CRB1: variants seen among roughly 807,000 people sequenced by gnomAD.
CRB1 encodes the protein crumbs cell polarity complex component 1, also known as protein crumbs homolog 1.
In CRB1, 83 loss-of-function variants were observed where a neutral mutation model predicts 120.0. The ratio of observed to expected loss-of-function variants is 0.69; its 90% confidence interval spans 0.58 to 0.83. The LOEUF is 0.83. CRB1 is among the 40% of genes least tolerant of loss of function. The pLI is 0.00. For missense variants in CRB1, 1,699 were observed against 1,687.6 expected, an observed-to-expected ratio of 1.01 and a Z score of -0.12; for synonymous variants, 625 against 612.5, an observed-to-expected ratio of 1.02 and a Z score of -0.30.
chr1:197,438,787 A>T (rs1035995555), intron 10 of CRB1, 112 bp downstream of exon 10: 1 of 1,366,022 alleles, frequency 7.3e-7, no homozygotes, highest in Admixed American at 1.8e-5. Flanking sequence ...AGGAAAATCT[A>T]TGCTGAAATA....
Position 197,421,256 on chromosome 1 carries a change from C to CG in CRB1, c.1431dup (p.Ser478ValfsTer4). 1 of 1,614,138 alleles carries CG rather than the reference C, an allele frequency of 6.2e-7. No individual in the cohort carries two copies. ...GCTGCCTATGTCCATCTGGCTACAC[C>CG]GGGTCCCTGTGTGAAATCGCAACCA... On this transcript the variant is annotated frameshift_variant, in exon 6 of 12. Coordinates refer to ENST00000367400, the MANE Select transcript of CRB1 (RefSeq NM_201253.3). LOFTEE classifies it high-confidence loss of function.
chr1:197,318,768 C>A (rs1360003214), intron 1 of CRB1, among the ~76,000 whole-genome samples: 1 of 152,142 alleles, frequency 6.6e-6, no homozygotes, highest in Non-Finnish European at 1.5e-5. Context: ...ATCTCACTCA[C>A]ATGTGGAATC....
chr1:197,253,711 A>G, the CRB1 span, among the ~76,000 whole-genome samples: 2 of 152,108 alleles, frequency 1.3e-5, no homozygotes, highest in Non-Finnish European at 2.9e-5. Flanking sequence ...TTGCAAAGCA[A>G]AGAATCATTT....
the CRB1 span, among the ~76,000 whole-genome samples, chr1:197,244,539 G>T: frequency 6.6e-6 from 1 of 151,972 alleles, no homozygotes; most frequent in African/African-American, 2.4e-5. Context: ...CATGAAAACA[G>T]ATTTTTACTT....
the CRB1 span, among the ~76,000 whole-genome samples, chr1:197,235,984 A>G: frequency 3.9e-5 from 6 of 152,156 alleles, no homozygotes; most frequent in African/African-American, 1.2e-4. Flanking sequence ...GTAATGACCT[A>G]GTAGCCTGCT....
intron 3 of CRB1, among the ~76,000 whole-genome samples, chr1:197,345,895 T>C (rs986161352): frequency 2.0e-5 from 3 of 152,170 alleles, no homozygotes; most frequent in African/African-American, 7.2e-5. Flanking sequence ...TGACTTTTAG[T>C]TGTACCCCAA....
Position 197,328,505 on chromosome 1 carries a change from A to G in CRB1, c.154A>G (p.Asn52Asp). The G allele has an allele frequency of 6.2e-7, 1 of 1,614,258 alleles. No individual in the cohort carries two copies. Among genetic ancestry groups the G allele is most frequent in the African/African-American group, 1.3e-5 (1 of 75,070 alleles). ...TACATGCAAAGATTTTTCAAAAGAC[A>G]ATGATTGTTCTTGTTCAGACACAGC... is the stretch of plus-strand genomic sequence containing the variant. ...NSTCKDFSKD[N>D]DCSCSDTANN... Residue 52 changes from asparagine to aspartate, a missense_variant, in exon 2 of 12, where the codon AAT becomes GAT. Physicochemically the swap from Asn to Asp is conservative, Grantham distance 23. Coordinates refer to ENST00000367400, the MANE Select transcript of CRB1 (RefSeq NM_201253.3).
chr1:197,235,931 G>A, the CRB1 span, among the ~76,000 whole-genome samples: 30 of 152,210 alleles, frequency 2.0e-4, no homozygotes, highest in Non-Finnish European at 3.1e-4. Flanking sequence ...AACCACAGGC[G>A]AATCTTGAGG....
intron 11 of CRB1, among the ~76,000 whole-genome samples, chr1:197,453,545 G>A (rs376535788): frequency 8.3e-6 from 1 of 120,098 alleles, no homozygotes; most frequent in Non-Finnish European, 1.7e-5. Context: ...TATATAGAGA[G>A]AGAGACAGAG....
rs1306367660 is a variant in CRB1, at chr1:197,328,467, G to T, written c.116G>T (p.Cys39Phe). Residue 39 changes from cysteine (C) to phenylalanine (F), a missense_variant, in exon 2 of 12, where the codon TGC becomes TTC. Transcript: ENST00000367400. ...KNNTRCLSNSCQNNSTCKDFS... is the reference protein window; with the variant it reads ...KNNTRCLSNSFQNNSTCKDFS... ...AACACCAGGTGCCTCTCAAATTCTT[G>T]CCAAAACAATTCTACATGCAAAGAT... The T allele has an allele frequency of 1.2e-5, 19 of 1,614,050 alleles. No homozygotes were observed. The highest frequency in any genetic ancestry group is 1.5e-5 in the Non-Finnish European group (18 of 1,179,992).
At chr1:197,426,142 T>C (rs1424741667) in intron 6 of CRB1, among the ~76,000 whole-genome samples, 3 of 152,052 alleles carry the variant, frequency 2.0e-5, no homozygotes, top group Non-Finnish European at 2.9e-5. Flanking sequence ...TCCAGTTGCT[T>C]AGGCCCAAAG....
At chr1:197,460,990 C>G (rs1666504605) in intron 11 of CRB1, among the ~76,000 whole-genome samples, 2 of 152,058 alleles carry the variant, frequency 1.3e-5, no homozygotes, top group South Asian at 4.2e-4. Context: ...CTAATAGGAT[C>G]CAGAATCTAT....
rs771757120 is a variant in CRB1 at position 197,442,211 on chromosome 1, T to C, written c.3924T>C (p.Asn1308=). ...AGTGTGCCTCTGATCCGTGTGTCAA[T>C]GGAGGTCTGTGCCAGGACTTACTCA... The part of the protein sequence containing the change: ...IDECASDPCV[N]GGLCQDLLNK... Residue 1308 remains asparagine (N), a synonymous_variant, in exon 11 of 12, where the codon AAT becomes AAC. Coordinates refer to ENST00000367400, the MANE Select transcript of CRB1 (RefSeq NM_201253.3). The C allele has an allele frequency of 1.9e-6, 3 of 1,614,002 alleles. No individual in the cohort carries two copies. The highest frequency in any genetic ancestry group is 1.3e-5 in the African/African-American group (1 of 74,906).
At chr1:197,448,221 G>A (rs1479496390) in intron 11 of CRB1, among the ~76,000 whole-genome samples, 4 of 152,164 alleles carry the variant, frequency 2.6e-5, no homozygotes, top group Non-Finnish European at 2.9e-5. Context: ...ACTCACAACA[G>A]AGTTTTTCTT....
intron 4 of CRB1, among the ~76,000 whole-genome samples, chr1:197,351,156 A>G (rs1162304644): frequency 6.8e-6 from 1 of 147,812 alleles, no homozygotes; most frequent in Non-Finnish European, 1.5e-5. Flanking sequence ...AGCCTGGCCA[A>G]CATGGTGAAA....
At position 197,442,170 on chromosome 1, in the gene CRB1, G is replaced by A. The variant is rs1553264618; in HGVS notation, c.3883G>A (p.Glu1295Lys). The A allele has an allele frequency of 6.2e-7, 1 of 1,614,118 alleles. No individual in the cohort carries two copies. Among genetic ancestry groups the A allele is most frequent in the Non-Finnish European group, 8.5e-7 (1 of 1,180,022 alleles). Residue 1295 changes from glutamate to lysine, a missense_variant, in exon 11 of 12, where the codon GAA becomes AAA. By Grantham distance (56) the Glu-to-Lys change is moderately conservative. Transcript: ENST00000367400. ...GCTGTTCTGTTTATTTTGAAGGTGT[G>A]AAAAGGACATTGATGAGTGTGCCTC... ...CRPGFTGEWC[E>K]KDIDECASDP... is the part of the protein sequence containing the mutation.
At chr1:197,223,992 A>G in the CRB1 span, among the ~76,000 whole-genome samples, 2 of 152,140 alleles carry the variant, frequency 1.3e-5, no homozygotes, top group Admixed American at 6.5e-5. Context: ...TGTGTAAGGT[A>G]CTATGGTTTG....
At chr1:197,203,001 C>T in the CRB1 span, among the ~76,000 whole-genome samples, 111 of 142,484 alleles carry the variant, frequency 7.8e-4, 2 homozygotes, top group South Asian at 0.02. Context: ...GTGTGTGTGA[C>T]GGAGAGAGAG....
chr1:197,472,667 T>G (rs1352201392), intron 11 of CRB1, among the ~76,000 whole-genome samples: 2 of 152,178 alleles, frequency 1.3e-5, no homozygotes, highest in Non-Finnish European at 2.9e-5. Flanking sequence ...TCCAGCTCAT[T>G]TTGTGTTTTC....
Sources: allele counts gnomAD v4.1 joint callset (sites outside exome capture counted in the v4.1 genomes callset), GRCh38; gene constraint gnomAD v4.1.1; transcripts MANE v1.5; gene names NCBI Gene and HGNC (gene_info 2026-07-23, HGNC 2026-07-21).